The following BORCS5 variants were observed in gnomAD, a reference collection of about 807,000 sequenced individuals.
BORCS5 encodes BLOC-1-related complex subunit 5.
In BORCS5, 17 loss-of-function variants were observed where a neutral mutation model predicts 22.1. That is an observed-to-expected ratio of 0.77 (90% CI 0.53 to 1.15). The LOEUF (loss-of-function observed/expected upper bound fraction) is 1.15, where lower values mean the gene tolerates loss of function less well. Among genes scored for constraint, BORCS5 ranks in the 50% most tolerant of loss-of-function variants. BORCS5 has a pLI of 0.00. For synonymous variants in BORCS5, 117 were observed against 99.8 expected (o/e 1.17, Z -1.03); for missense variants, 247 against 253.2 (o/e 0.98, Z 0.17).
chr12:12,388,175 A>G (rs945062389), intron 2 of BORCS5, among the ~76,000 whole-genome samples: 8 of 151,286 alleles, frequency 5.3e-5, no homozygotes, highest in Non-Finnish European at 1.0e-4. Flanking sequence ...TGCAGTTTTT[A>G]TTGTGGTATT....
chr12:12,449,444 G>A (rs1230318767), intron 3 of BORCS5, among the ~76,000 whole-genome samples: 1 of 152,146 alleles, frequency 6.6e-6, no homozygotes, highest in Admixed American at 6.6e-5. Context: ...GCCTTTTGTG[G>A]GGAGGAGGTA....
chr12:12,452,525 G>T, intron 3 of BORCS5: 1 of 396,804 alleles, frequency 2.5e-6, no homozygotes, highest in Non-Finnish European at 5.1e-6. Context: ...GGGCCAGGGT[G>T]CGGGCCGGCG....
chr12:12,452,302 A>G, intron 3 of BORCS5: 5 of 751,444 alleles, frequency 6.7e-6, no homozygotes, highest in South Asian at 4.0e-5. Flanking sequence ...TTTGTCTCCA[A>G]TACCATTCCC....
At chr12:12,376,368 G>C (rs1863652908) in intron 2 of BORCS5, among the ~76,000 whole-genome samples, 1 of 151,780 alleles carries the variant, frequency 6.6e-6, no homozygotes, top group African/African-American at 2.4e-5. Flanking sequence ...TGAGTAGCTG[G>C]GACTACAGGC....
chr12:12,382,417 C>G (rs1228885546), intron 2 of BORCS5, among the ~76,000 whole-genome samples: 2 of 151,176 alleles, frequency 1.3e-5, no homozygotes, highest in African/African-American at 4.9e-5. Context: ...TCATACATCT[C>G]CCACTAGACC....
rs1288262168 is a variant in BORCS5, at chr12:12,448,299, C to T, written c.360+12514C>T. Among the ~76,000 whole-genome samples the T allele has an allele frequency of 3.9e-5, 6 of 152,158 alleles. No individual in the cohort carries two copies. In the East Asian group the frequency reaches 7.7e-4, roughly 20 times the overall value. Reference sequence around the variant, plus strand: ...GGTGCAATCTCGGCTCACTGCAACTCCTGCCTCCCGGGTTCAACGGATTCT... The same window carrying T: ...GGTGCAATCTCGGCTCACTGCAACTTCTGCCTCCCGGGTTCAACGGATTCT... On this transcript the variant is annotated intron_variant, in intron 3 of 3. Coordinates refer to ENST00000314565, the MANE Select transcript of BORCS5 (RefSeq NM_058169.6).
chr12:12,412,369 C>CT (rs1941757964), intron 2 of BORCS5, among the ~76,000 whole-genome samples: 1 of 151,666 alleles, frequency 6.6e-6, no homozygotes, highest in Non-Finnish European at 1.5e-5. Context: ...GTGTTTTATT[C>CT]TTTTTGATGC....
intron 2 of BORCS5, among the ~76,000 whole-genome samples, chr12:12,410,308 A>G (rs1941698535): frequency 6.6e-6 from 1 of 152,152 alleles, no homozygotes; most frequent in African/African-American, 2.4e-5. Flanking sequence ...GCCCATGCCT[A>G]TGTCCTGAAT....
chr12:12,422,426 C>T (rs999090895), intron 2 of BORCS5, among the ~76,000 whole-genome samples: 6 of 151,988 alleles, frequency 3.9e-5, no homozygotes, highest in African/African-American at 1.2e-4. Context: ...CCAGCCTGAC[C>T]AACATGGTGA....
At chr12:12,432,748 A>G (rs139394175) in intron 2 of BORCS5, among the ~76,000 whole-genome samples, 1 of 152,240 alleles carries the variant, frequency 6.6e-6, no homozygotes, top group East Asian at 1.9e-4. Context: ...CTAAAGTTTT[A>G]TGTTGGGCAA....
chr12:12,462,452 A>G (rs1943124586), intron 3 of BORCS5, among the ~76,000 whole-genome samples: 6 of 152,234 alleles, frequency 3.9e-5, no homozygotes, highest in African/African-American at 1.2e-4. Context: ...CTAAAATCAC[A>G]TAGATACTGG....
intron 2 of BORCS5, among the ~76,000 whole-genome samples, chr12:12,365,327 C>T (rs1175749754): frequency 6.6e-6 from 1 of 151,806 alleles, no homozygotes; most frequent in South Asian, 2.1e-4. Flanking sequence ...CACCACCACA[C>T]CCGGCTAATT....
intron 3 of BORCS5, among the ~76,000 whole-genome samples, chr12:12,455,935 A>G (rs1942991859): frequency 2.6e-5 from 4 of 152,020 alleles, no homozygotes; most frequent in Admixed American, 2.6e-4. Context: ...TTACCTACTC[A>G]TTTTTCTTTT....
chr12:12,465,240 C>T (rs1424790973), intron 3 of BORCS5, among the ~76,000 whole-genome samples: 7 of 152,196 alleles, frequency 4.6e-5, no homozygotes, highest in Admixed American at 3.9e-4. Context: ...GACTGATTTC[C>T]ACATCCAGAA....
rs560265217 is a variant in BORCS5, at chr12:12,462,240, T to C, written c.361-3306T>C. Among the ~76,000 whole-genome samples, 3 of 152,366 alleles carry C rather than the reference T, an allele frequency of 2.0e-5. No homozygotes were observed. In the South Asian group the frequency reaches 6.2e-4, roughly 32 times the overall value. ...GTTCTCCTTGCAGAATCTCATTTAA[T>C]CCTCAGGACAGTCTTTTAAGTGGCC... is the stretch of plus-strand genomic sequence containing the variant. On this transcript the variant is annotated intron_variant, in intron 3 of 3. Transcript: ENST00000314565.
At position 12,465,900 on chromosome 12, in the gene BORCS5, G is replaced by A. The variant is rs1943193882; in HGVS notation, c.*124G>A. The A allele has an allele frequency of 6.8e-6, 5 of 734,360 alleles. No individual in the cohort carries two copies. The highest frequency in any genetic ancestry group is 2.9e-5 in the Admixed American group (1 of 34,762). 45.5% of individuals were successfully genotyped at this position (734,360 alleles called of 1,614,324 possible). A position where few individuals can be genotyped will look rare whatever the true frequency, so the allele number is the denominator to read the frequency against. On this transcript the variant is annotated 3_prime_UTR_variant, in exon 4 of 4. Coordinates refer to ENST00000314565, the MANE Select transcript of BORCS5 (RefSeq NM_058169.6). Reference sequence around the variant, plus strand: ...CGGGAGGCTCCCTGAAAGTGGGTGCGAAGGAGTCCGGCTGGCATGAAAATC... The same window carrying A: ...CGGGAGGCTCCCTGAAAGTGGGTGCAAAGGAGTCCGGCTGGCATGAAAATC...
intron 2 of BORCS5, among the ~76,000 whole-genome samples, chr12:12,422,782 T>TTATTTTTG (rs2136106984): frequency 6.6e-6 from 1 of 152,250 alleles, no homozygotes; most frequent in African/African-American, 2.4e-5. Flanking sequence ...ACTAATACTT[T>TTATTTTTG]TTTAATGCAG....
chr12:12,401,703 A>G (rs1015638754), intron 2 of BORCS5, among the ~76,000 whole-genome samples: 27 of 152,178 alleles, frequency 1.8e-4, no homozygotes, highest in African/African-American at 6.5e-4. Flanking sequence ...TTGTCATTTT[A>G]TATCACAATT....
At chr12:12,419,736 T>G (rs1942065432) in intron 2 of BORCS5, among the ~76,000 whole-genome samples, 1 of 152,216 alleles carries the variant, frequency 6.6e-6, no homozygotes, top group Non-Finnish European at 1.5e-5. Context: ...TGATTGCCAT[T>G]CTAATTGGCA....
Sources: allele counts gnomAD v4.1 joint callset (sites outside exome capture counted in the v4.1 genomes callset), GRCh38; gene constraint gnomAD v4.1.1; transcripts MANE v1.5; gene names NCBI Gene and HGNC (gene_info 2026-07-23, HGNC 2026-07-21).